Variants in DENND5B observed in about 807,000 individuals in gnomAD.
The protein encoded by DENND5B is DENN domain-containing protein 5B.
A neutral mutation model predicts 140.6 loss-of-function variants in DENND5B; 34 were observed. The ratio of observed to expected loss-of-function variants is 0.24; its 90% CI spans 0.18 to 0.32. DENND5B has a LOEUF of 0.32. DENND5B is among the 10% of genes least tolerant of loss of function. The probability of loss-of-function intolerance (pLI) is 1.00; values close to 1 mark genes in which losing one functional copy is unlikely to be tolerated. For missense variants in DENND5B, 1,142 were observed against 1,560.2 expected (o/e 0.73, Z 4.52); for synonymous variants, 551 against 562.1 (o/e 0.98, Z 0.28).
chr12:31,476,430 T>C (rs1945810806), intron 3 of DENND5B, among the ~76,000 whole-genome samples: 1 of 151,284 alleles, frequency 6.6e-6, no homozygotes, highest in Admixed American at 6.6e-5. Flanking sequence ...ATACCCTAAG[T>C]ATTTTATACA....
At chr12:31,520,792 G>A (rs1002171554) in intron 1 of DENND5B, among the ~76,000 whole-genome samples, 3 of 151,832 alleles carry the variant, frequency 2.0e-5, no homozygotes, top group East Asian at 3.9e-4. Context: ...CACACACCTC[G>A]GCCTCCCAAA....
chr12:31,439,687 T>G (rs1321242760), intron 7 of DENND5B, among the ~76,000 whole-genome samples: 1 of 152,044 alleles, frequency 6.6e-6, no homozygotes, highest in Non-Finnish European at 1.5e-5. Flanking sequence ...CCCAGCACTT[T>G]GGGAGGCCGA....
At chr12:31,588,267 G>A (rs1950470185) in intron 1 of DENND5B, among the ~76,000 whole-genome samples, 1 of 152,076 alleles carries the variant, frequency 6.6e-6, no homozygotes, top group Admixed American at 6.6e-5. Flanking sequence ...CTCCCTGTGA[G>A]GCCTTCCCTA....
intron 1 of DENND5B, among the ~76,000 whole-genome samples, chr12:31,521,785 C>T (rs747489242): frequency 6.6e-6 from 1 of 152,176 alleles, no homozygotes; most frequent in Non-Finnish European, 1.5e-5. Context: ...AGTTTAGGTA[C>T]ACTTCATCTC....
intron 1 of DENND5B, among the ~76,000 whole-genome samples, chr12:31,566,779 C>T (rs1314238602): frequency 2.0e-5 from 3 of 152,270 alleles, no homozygotes; most frequent in South Asian, 4.1e-4. Context: ...AAGTACTATA[C>T]AAGCATTATC....
chr12:31,401,629 T>C (rs1941801622), intron 15 of DENND5B, among the ~76,000 whole-genome samples: 2 of 151,988 alleles, frequency 1.3e-5, no homozygotes, highest in Admixed American at 6.6e-5. Flanking sequence ...AAGGTGGCTG[T>C]TTGTTTTGTT....
chr12:31,403,358 G>C (rs1239925747), intron 14 of DENND5B, among the ~76,000 whole-genome samples: 1 of 151,122 alleles, frequency 6.6e-6, no homozygotes, highest in Non-Finnish European at 1.5e-5. Context: ...CGAGAGGTTA[G>C]ATGTTATGCA....
Position 31,586,448 on chromosome 12 carries a change from T to C in DENND5B, c.127+4258A>G, listed in dbSNP as rs891924857. 2.6e-5 allele frequency among the ~76,000 whole-genome samples: 4 copies of C among 152,252 alleles called. No homozygotes were observed. In the South Asian group the frequency reaches 8.3e-4, roughly 31 times the overall value. On this transcript the variant is annotated intron_variant, in intron 1 of 20. Coordinates refer to ENST00000389082, the MANE Select transcript of DENND5B (RefSeq NM_144973.4). ...ACGACAGGTAATATGAGTATATCAG[T>C]ATATACATGTGGACATCACCATAAA...
intron 2 of DENND5B, among the ~76,000 whole-genome samples, chr12:31,480,885 G>C (rs956957756): frequency 6.6e-6 from 1 of 152,176 alleles, no homozygotes; most frequent in Non-Finnish European, 1.5e-5. Flanking sequence ...AGGCATTTTA[G>C]ATTACTTCTA....
At chr12:31,534,262 C>T (rs1161075204) in intron 1 of DENND5B, among the ~76,000 whole-genome samples, 3 of 151,896 alleles carry the variant, frequency 2.0e-5, no homozygotes, top group Admixed American at 6.6e-5. Context: ...CAGGTTCAAG[C>T]GATTCTCATG....
intron 1 of DENND5B, among the ~76,000 whole-genome samples, chr12:31,522,137 T>A (rs1196281334): frequency 6.6e-6 from 1 of 152,190 alleles, no homozygotes; most frequent in Non-Finnish European, 1.5e-5. Flanking sequence ...TTAGCAAACA[T>A]CTGCTCATGG....
At chr12:31,404,823 G>A (rs1251615536) in intron 14 of DENND5B, among the ~76,000 whole-genome samples, 4 of 115,754 alleles carry the variant, frequency 3.5e-5, no homozygotes, top group Non-Finnish European at 6.7e-5. Flanking sequence ...GCAATGGCAT[G>A]ATCTCGGCTC....
At chr12:31,458,732 T>A (rs768558714) in intron 4 of DENND5B, among the ~76,000 whole-genome samples, 8 of 151,856 alleles carry the variant, frequency 5.3e-5, no homozygotes, top group Non-Finnish European at 7.4e-5. Context: ...AAAATGAGAA[T>A]CTCTATGGGA....
At chr12:31,538,044 A>G (rs1241996321) in intron 1 of DENND5B, among the ~76,000 whole-genome samples, 2 of 152,232 alleles carry the variant, frequency 1.3e-5, no homozygotes, top group Non-Finnish European at 2.9e-5. Flanking sequence ...ACAGACCCCA[A>G]TATAATAATA....
At chr12:31,392,510 A>G (rs1941201383) in intron 18 of DENND5B, 104 bp downstream of exon 18, 1 of 1,532,392 alleles carries the variant, frequency 6.5e-7, no homozygotes, top group Non-Finnish European at 8.8e-7. Flanking sequence ...CAGCTACCAG[A>G]AAGCTTACAA....
intron 5 of DENND5B, among the ~76,000 whole-genome samples, chr12:31,449,494 G>C (rs1944413175): frequency 6.6e-6 from 1 of 152,024 alleles, no homozygotes; most frequent in Non-Finnish European, 1.5e-5. Flanking sequence ...AAAATTTTAG[G>C]TCAACAACGA....
At position 31,455,918 on chromosome 12, in the gene DENND5B, T is replaced by C. The variant is rs568410780; in HGVS notation, c.1093-3442A>G. On this transcript the variant is annotated intron_variant, in intron 4 of 20. Transcript: ENST00000389082. ...CCTGTAATCCCAGCTAGTTGAGAGG[T>C]TGAGGCAGGAGAATCACTTGAACCC... Among the ~76,000 whole-genome samples the C allele has an allele frequency of 1.4e-3, 215 of 151,504 alleles. 4 individuals are homozygous for C. The South Asian group carries it at 0.041, about 29-fold the overall frequency.
chr12:31,575,675 G>A (rs1270427183), intron 1 of DENND5B, among the ~76,000 whole-genome samples: 2 of 152,226 alleles, frequency 1.3e-5, no homozygotes, highest in African/African-American at 4.8e-5. Flanking sequence ...CCCAGTTTCA[G>A]GCTGGATGTG....
chr12:31,433,012 C>T (rs1429544255), intron 8 of DENND5B, 143 bp downstream of exon 8: 3 of 689,782 alleles, frequency 4.3e-6, no homozygotes, highest in South Asian at 4.3e-5. Context: ...TATGTCCGTA[C>T]AAAAGGATTA....
Sources: allele counts gnomAD v4.1 joint callset (sites outside exome capture counted in the v4.1 genomes callset), GRCh38; gene constraint gnomAD v4.1.1; transcripts MANE v1.5; gene names NCBI Gene and HGNC (gene_info 2026-07-23, HGNC 2026-07-21).